KCNH5: variants seen among roughly 807,000 people sequenced by gnomAD.
KCNH5 encodes the protein voltage-gated delayed rectifier potassium channel KCNH5.
In KCNH5, 46 loss-of-function variants were observed where a neutral mutation model predicts 96.1. That is an observed-to-expected ratio of 0.48 (90% CI 0.38 to 0.61). KCNH5 has a LOEUF of 0.61. KCNH5 is among the 20% of genes least tolerant of loss of function. KCNH5 has a pLI of 0.00. For synonymous variants in KCNH5, 439 were observed against 449.8 expected (o/e 0.98, Z 0.30); for missense variants, 907 against 1,225.8 (o/e 0.74, Z 3.88).
In KCNH5 at chr14:62,981,218, G is replaced by C; in HGVS notation, c.596C>G (p.Ala199Gly). ...SDILPQYKQE[A>G]PKTPPHIILH... ...AATAATGTGTGGTGGCGTCTTTGGC[G>C]CTTCTTGTTTATACTGAGGAAGGAT... The change falls in exon 6 of 11, where the codon GCG (alanine) becomes GGG (glycine). Residue 199 changes from alanine to glycine, a missense_variant. By Grantham distance (60) the Ala-to-Gly change is moderately conservative. Coordinates refer to ENST00000322893, the MANE Select transcript of KCNH5 (RefSeq NM_139318.5). 1 of 1,614,052 alleles carries C rather than the reference G, an allele frequency of 6.2e-7. No homozygotes were observed. The highest frequency in any genetic ancestry group is 8.5e-7 in the Non-Finnish European group (1 of 1,179,960).
intron 10 of KCNH5, among the ~76,000 whole-genome samples, chr14:62,742,202 T>C (rs1257858244): frequency 6.6e-6 from 1 of 152,062 alleles, no homozygotes; most frequent in African/African-American, 2.4e-5. Flanking sequence ...TGGTTCCACT[T>C]ATTTTAGATT....
intron 1 of KCNH5, among the ~76,000 whole-genome samples, chr14:63,021,382 A>G (rs1248249990): frequency 6.6e-6 from 1 of 152,078 alleles, no homozygotes; most frequent in Non-Finnish European, 1.5e-5. Flanking sequence ...TAAAGTCTAT[A>G]CTATTACAGT....
At chr14:62,766,089 T>C (rs562116822) in intron 10 of KCNH5, among the ~76,000 whole-genome samples, 4 of 152,180 alleles carry the variant, frequency 2.6e-5, no homozygotes, top group Admixed American at 2.0e-4. Flanking sequence ...CATATGAAAA[T>C]GTGCTCAACA....
intron 7 of KCNH5, among the ~76,000 whole-genome samples, chr14:62,921,446 A>C (rs1431163435): frequency 6.6e-6 from 1 of 152,118 alleles, no homozygotes. Context: ...AATGGGAAGA[A>C]AATGCCAAGT....
At chr14:62,822,251 T>A (rs1887130447) in intron 8 of KCNH5, among the ~76,000 whole-genome samples, 1 of 152,134 alleles carries the variant, frequency 6.6e-6, no homozygotes, top group South Asian at 2.1e-4. Flanking sequence ...GAAAATTTTC[T>A]TTGTAGATAT....
At chr14:62,950,040 TA>T in intron 7 of KCNH5, 92 bp downstream of exon 7, 1 of 1,063,684 alleles carries the variant, frequency 9.4e-7, no homozygotes, top group Non-Finnish European at 1.4e-6. Context: ...TACCTTTCTG[TA>T]AACAAAGTAG....
intron 8 of KCNH5, among the ~76,000 whole-genome samples, chr14:62,822,578 C>T (rs2140019169): frequency 6.6e-6 from 1 of 150,764 alleles, no homozygotes; most frequent in Non-Finnish European, 1.5e-5. Context: ...AAAAAGCAAA[C>T]AATCAAAAAA....
chr14:62,793,486 AATGTGT>A (rs1566662284), intron 9 of KCNH5, among the ~76,000 whole-genome samples: 1 of 151,784 alleles, frequency 6.6e-6, no homozygotes, highest in Non-Finnish European at 1.5e-5. Flanking sequence ...CTGTGATAGA[AATGTGT>A]ATGAGTATGG....
intron 9 of KCNH5, among the ~76,000 whole-genome samples, chr14:62,791,087 T>C (rs1421404384): frequency 6.6e-6 from 1 of 151,716 alleles, no homozygotes; most frequent in African/African-American, 2.4e-5. Context: ...TGTTCCCCAT[T>C]GATCATGGTG....
chr14:62,849,320 A>C (rs948982015), intron 8 of KCNH5, among the ~76,000 whole-genome samples: 11 of 152,206 alleles, frequency 7.2e-5, no homozygotes, highest in Non-Finnish European at 1.6e-4. Flanking sequence ...AAATTCTAGC[A>C]GGAAAAATGG....
chr14:63,005,975 G>A lies in KCNH5; in HGVS notation c.304+391C>T, dbSNP rs372414472. Among the ~76,000 whole-genome samples the A allele has an allele frequency of 4.5e-4, 69 of 152,258 alleles. 5 individuals are homozygous for A. In the South Asian group the frequency reaches 5.2e-3, roughly 11 times the overall value. On this transcript the variant is annotated intron_variant, in intron 3 of 10. Coordinates refer to ENST00000322893, the MANE Select transcript of KCNH5 (RefSeq NM_139318.5). ...CCACATATTCACATTGCCTATGTTC[G>A]TGTCGAAAGGTAATTGCATATATCC...
intron 9 of KCNH5, among the ~76,000 whole-genome samples, chr14:62,785,107 T>C (rs982928362): frequency 1.3e-5 from 2 of 152,220 alleles, no homozygotes; most frequent in African/African-American, 4.8e-5. Flanking sequence ...TAATCAACCA[T>C]TTCAAAGTGT....
At chr14:62,803,712 A>G (rs950818835) in intron 8 of KCNH5, among the ~76,000 whole-genome samples, 1 of 152,192 alleles carries the variant, frequency 6.6e-6, no homozygotes, top group African/African-American at 2.4e-5. Flanking sequence ...CCACATTAAA[A>G]TGGACATTAT....
chr14:62,742,452 G>GT (rs1885290296), intron 10 of KCNH5, among the ~76,000 whole-genome samples: 1 of 106,056 alleles, frequency 9.4e-6, no homozygotes. Context: ...TAGAACAGAG[G>GT]TTTTCAATCC....
intron 1 of KCNH5, among the ~76,000 whole-genome samples, chr14:63,021,691 T>G (rs74058818): frequency 0.079 from 11,996 of 151,882 alleles, 805 homozygotes; most frequent in African/African-American, 0.18. Context: ...TCCCTACCAC[T>G]CCACCAAGAC....
At chr14:63,000,505 G>C (rs1323367150) in intron 4 of KCNH5, among the ~76,000 whole-genome samples, 1 of 152,166 alleles carries the variant, frequency 6.6e-6, no homozygotes, top group Admixed American at 6.5e-5. Flanking sequence ...ACTACAGTCA[G>C]AAGGTTTGCA....
chr14:62,753,985 A>G (rs2139947911), intron 10 of KCNH5, among the ~76,000 whole-genome samples: 1 of 152,316 alleles, frequency 6.6e-6, no homozygotes, highest in Middle Eastern at 3.4e-3. Flanking sequence ...AACTACTCAT[A>G]TCTTAAATAG....
intron 10 of KCNH5, among the ~76,000 whole-genome samples, chr14:62,752,272 C>T (rs566064108): frequency 6.6e-6 from 1 of 151,984 alleles, no homozygotes; most frequent in Non-Finnish European, 1.5e-5. Flanking sequence ...ACAGAGACAA[C>T]AAAACATGCA....
chr14:63,028,496 C>T (rs762020894), intron 1 of KCNH5, among the ~76,000 whole-genome samples: 11 of 152,118 alleles, frequency 7.2e-5, no homozygotes, highest in Non-Finnish European at 1.2e-4. Flanking sequence ...CTCACAAAGC[C>T]GCGATTCCCA....
Sources: gnomAD v4.1 joint callset for allele counts (sites outside exome capture counted in the v4.1 genomes callset) on GRCh38, gnomAD v4.1.1 for gene constraint, MANE v1.5 for transcripts, NCBI Gene and HGNC (gene_info 2026-07-23, HGNC 2026-07-21) for gene names.